IL1RAPL1: variants seen among roughly 807,000 people sequenced by gnomAD.
IL1RAPL1 encodes the protein interleukin 1 receptor accessory protein like 1.
In IL1RAPL1, 3 loss-of-function variants were observed where a neutral mutation model predicts 48.4. The observed-to-expected ratio is 0.06, with a 90% CI of 0.03 to 0.16. IL1RAPL1 has a LOEUF of 0.16. IL1RAPL1 is among the 10% of genes least tolerant of loss of function. The probability of loss-of-function intolerance (pLI) is 1.00; values close to 1 mark genes in which losing one functional copy is unlikely to be tolerated. For missense variants in IL1RAPL1, 349 were observed against 530.6 expected (o/e 0.66, Z 3.36); for synonymous variants, 185 against 187.7 (o/e 0.99, Z 0.12).
chrX:29,200,331 C>T (rs1266584875), intron 2 of IL1RAPL1, among the ~76,000 whole-genome samples: 3 of 111,250 alleles, frequency 2.7e-5, no homozygotes, highest in Non-Finnish European at 5.7e-5. Context: ...ACAGCCCCCC[C>T]TTGATTGCAT....
At chrX:29,270,280 G>A (rs1039351322) in intron 2 of IL1RAPL1, among the ~76,000 whole-genome samples, 3 of 111,916 alleles carry the variant, frequency 2.7e-5, no homozygotes, top group Non-Finnish European at 3.8e-5. Flanking sequence ...GGAGCAGCTA[G>A]ATGACGTGAA....
intron 2 of IL1RAPL1, among the ~76,000 whole-genome samples, chrX:28,939,035 CAG>C (rs1924095143): frequency 9.3e-6 from 1 of 107,542 alleles, no homozygotes; most frequent in Non-Finnish European, 1.9e-5. Flanking sequence ...AAAAAAATAA[CAG>C]ATGCTGGCTG....
At chrX:29,252,131 G>T (rs748949202) in intron 2 of IL1RAPL1, among the ~76,000 whole-genome samples, 2 of 108,257 alleles carry the variant, frequency 1.8e-5, no homozygotes, top group Non-Finnish European at 3.8e-5. Flanking sequence ...AAGGGGAGGG[G>T]GGAGGGATAG....
chrX:29,167,306 C>T (rs1178726728), intron 2 of IL1RAPL1, among the ~76,000 whole-genome samples: 1 of 109,565 alleles, frequency 9.1e-6, no homozygotes, highest in Non-Finnish European at 1.9e-5. Context: ...TTCCCCTTCC[C>T]CTTCCCTTCC....
intron 1 of IL1RAPL1, among the ~76,000 whole-genome samples, chrX:28,640,328 G>A (rs1259901047): frequency 1.8e-5 from 2 of 110,567 alleles, no homozygotes; most frequent in Admixed American, 1.9e-4. Context: ...GTTTCCTATG[G>A]TCTGTTTTTT....
At chrX:29,665,137 A>T (rs1480150350) in intron 5 of IL1RAPL1, among the ~76,000 whole-genome samples, 2 of 112,538 alleles carry the variant, frequency 1.8e-5, no homozygotes, top group Admixed American at 9.4e-5. Context: ...TGGACAAAAT[A>T]TGATTAGGAT....
intron 5 of IL1RAPL1, among the ~76,000 whole-genome samples, chrX:29,576,994 A>T (rs113875861): frequency 1.2e-4 from 13 of 111,763 alleles, no homozygotes; most frequent in Non-Finnish European, 2.1e-4. Flanking sequence ...CCATTTCTGG[A>T]CTTAACAATA....
At chrX:29,936,518 AACAC>A (rs55890071) in intron 8 of IL1RAPL1, among the ~76,000 whole-genome samples, 15,301 of 93,202 alleles carry the variant, frequency 0.16, 1,041 homozygotes, top group Middle Eastern at 0.23. Flanking sequence ...TATATATAGG[AACAC>A]ACACACACAC....
intron 5 of IL1RAPL1, among the ~76,000 whole-genome samples, chrX:29,574,027 C>T (rs750313928): frequency 4.5e-5 from 5 of 110,403 alleles, no homozygotes; most frequent in Non-Finnish European, 7.6e-5. Flanking sequence ...TAAAGAACTA[C>T]CTGAGACTGG....
chrX:29,177,057 G>C, intron 2 of IL1RAPL1, among the ~76,000 whole-genome samples: 1 of 111,283 alleles, frequency 9.0e-6, no homozygotes, highest in Non-Finnish European at 1.9e-5. Context: ...AGGAACTGGG[G>C]ATCTGTCAAG....
intron 2 of IL1RAPL1, among the ~76,000 whole-genome samples, chrX:29,028,204 T>C (rs1926530669): frequency 9.1e-6 from 1 of 110,177 alleles, no homozygotes. Flanking sequence ...TTATTCCCCC[T>C]TTCTAACTTA....
chrX:29,439,155 A>T (rs1031491763), intron 5 of IL1RAPL1, among the ~76,000 whole-genome samples: 1 of 111,451 alleles, frequency 9.0e-6, no homozygotes, highest in African/African-American at 3.2e-5. Context: ...TTTCATGGTC[A>T]AGGGTCTGGA....
chrX:29,912,661 G>A (rs996402327), intron 6 of IL1RAPL1, among the ~76,000 whole-genome samples: 8 of 111,805 alleles, frequency 7.2e-5, no homozygotes, highest in Admixed American at 4.8e-4. Context: ...TGGATGAAGC[G>A]TGTATTAGGT....
chrX:29,010,751 C>G (rs1323964493), intron 2 of IL1RAPL1, among the ~76,000 whole-genome samples: 2 of 111,382 alleles, frequency 1.8e-5, no homozygotes, highest in Non-Finnish European at 3.8e-5. Flanking sequence ...ATCCCTTGGG[C>G]TTAAACTGCC....
At chrX:29,862,287 T>TC (rs1437958181) in intron 6 of IL1RAPL1, among the ~76,000 whole-genome samples, 1 of 111,619 alleles carries the variant, frequency 9.0e-6, no homozygotes, top group Non-Finnish European at 1.9e-5. Context: ...GTAAATATAT[T>TC]CCCCTCTTAC....
At chrX:29,557,642 A>C (rs1456005002) in intron 5 of IL1RAPL1, among the ~76,000 whole-genome samples, 1 of 111,209 alleles carries the variant, frequency 9.0e-6, no homozygotes, top group East Asian at 2.8e-4. Flanking sequence ...GCATCACTGA[A>C]ACTTTGTACA....
At chrX:29,285,230 G>GCA (rs1334741091) in intron 3 of IL1RAPL1, among the ~76,000 whole-genome samples, 1 of 110,532 alleles carries the variant, frequency 9.0e-6, no homozygotes, top group Non-Finnish European at 1.9e-5. Context: ...CTGAGAAACT[G>GCA]CATTAAAATG....
chrX:29,565,881 A>G (rs375082310), intron 5 of IL1RAPL1, among the ~76,000 whole-genome samples: 1 of 112,563 alleles, frequency 8.9e-6, no homozygotes, highest in East Asian at 2.7e-4. Context: ...CATGTAATGA[A>G]GAAATACTAT....
intron 3 of IL1RAPL1, among the ~76,000 whole-genome samples, chrX:29,344,033 A>T (rs1933117736): frequency 8.9e-6 from 1 of 112,637 alleles, no homozygotes; most frequent in South Asian, 3.6e-4. Context: ...CTCTGTATGA[A>T]GATATTTTCA....
Sources: allele counts gnomAD v4.1 joint callset (sites outside exome capture counted in the v4.1 genomes callset), GRCh38; gene constraint gnomAD v4.1.1; transcripts MANE v1.5; gene names NCBI Gene and HGNC (gene_info 2026-07-23, HGNC 2026-07-21).